The following RALGAPB variants were observed in gnomAD, a reference collection of about 807,000 sequenced individuals.
RALGAPB encodes ral GTPase-activating protein subunit beta.
Under a neutral mutation model 161.1 loss-of-function variants are expected in RALGAPB, and 25 were observed. That is an observed-to-expected ratio of 0.16 (90% CI 0.11 to 0.22). The LOEUF (loss-of-function observed/expected upper bound fraction) is 0.22. RALGAPB is among the 10% of genes least tolerant of loss of function. The pLI, the probability that RALGAPB is intolerant of heterozygous loss-of-function variation, is 1.00. For synonymous variants in RALGAPB, 629 were observed against 626.1 expected, an observed-to-expected ratio of 1.00 and a Z score of -0.07; for missense variants, 1,391 against 1,815.2, an observed-to-expected ratio of 0.77 and a Z score of 4.25.
rs776385700 is a variant in RALGAPB, at chr20:38,493,146, G to T, written c.389+14G>T. The T allele has an allele frequency of 3.8e-6, 6 of 1,565,074 alleles. No homozygotes were observed. The highest frequency in any genetic ancestry group is 3.5e-6 in the Non-Finnish European group (4 of 1,139,590). ...TTTTGTACCAAGGTAAGCTATACCTGTCTATCTGGCCCATTATCAGGGTCA... is the reference window on the plus strand; with the variant it reads ...TTTTGTACCAAGGTAAGCTATACCTTTCTATCTGGCCCATTATCAGGGTCA... On this transcript the variant is annotated intron_variant, in intron 3 of 29. Transcript: ENST00000262879.
chr20:38,484,892 T>TC (rs1176736197), intron 1 of RALGAPB, among the ~76,000 whole-genome samples: 2 of 152,080 alleles, frequency 1.3e-5, no homozygotes, highest in Admixed American at 6.6e-5. Flanking sequence ...TTGGGGTTTT[T>TC]CCATGTTGGT....
intron 3 of RALGAPB, 109 bp from the exon 4 acceptor site, chr20:38,497,244 T>G: frequency 1.0e-6 from 1 of 968,360 alleles, no homozygotes; most frequent in Non-Finnish European, 1.6e-6. Flanking sequence ...GCTGATAATA[T>G]TAGGGAGCTT....
At position 38,541,103 on chromosome 20, in the gene RALGAPB, C is replaced by A; in HGVS notation, c.2625C>A (p.Asn875Lys). 1 of 1,614,022 alleles carries A rather than the reference C, an allele frequency of 6.2e-7. No homozygotes were observed. The highest frequency in any genetic ancestry group is 8.5e-7 in the Non-Finnish European group (1 of 1,179,984). Residue 875 changes from asparagine to lysine, a missense_variant, in exon 18 of 30, where the codon AAC becomes AAA. Transcript: ENST00000262879. Reference sequence around the variant, plus strand: ...GTATCTCAGGAAGTAAGTCCAAGAACAATGAGCAAGAGGTCAAGTACAAAG... The same window carrying A: ...GTATCTCAGGAAGTAAGTCCAAGAAAAATGAGCAAGAGGTCAAGTACAAAG... ...ELGISGSKSK[N>K]NEQEVKYKGD... is the part of the protein sequence containing the mutation.
intron 1 of RALGAPB, among the ~76,000 whole-genome samples, chr20:38,475,540 A>T (rs1437315505): frequency 1.3e-5 from 2 of 151,530 alleles, no homozygotes; most frequent in African/African-American, 2.4e-5. Context: ...GACAATAAAG[A>T]TTTTTTTTTG....
chr20:38,543,334 A>AGTGAC (rs945494500), intron 18 of RALGAPB, among the ~76,000 whole-genome samples: 1 of 152,206 alleles, frequency 6.6e-6, no homozygotes, highest in Admixed American at 6.5e-5. Context: ...TACATGAGCC[A>AGTGAC]GTGACTGAGT....
intron 5 of RALGAPB, among the ~76,000 whole-genome samples, chr20:38,508,112 T>C (rs2085820733): frequency 6.6e-6 from 1 of 151,102 alleles, no homozygotes; most frequent in Non-Finnish European, 1.5e-5. Flanking sequence ...TGTATGATTA[T>C]ATAATTATAT....
intron 5 of RALGAPB, among the ~76,000 whole-genome samples, chr20:38,506,003 T>C (rs1010317862): frequency 1.1e-4 from 17 of 152,148 alleles, no homozygotes; most frequent in Admixed American, 4.6e-4. Context: ...ATCAAAAATA[T>C]TTGGCAAAAA....
intron 13 of RALGAPB, among the ~76,000 whole-genome samples, chr20:38,530,136 G>C (rs2086608897): frequency 6.6e-6 from 1 of 152,144 alleles, no homozygotes; most frequent in African/African-American, 2.4e-5. Context: ...ACCATGGTAT[G>C]CAATTTACTG....
At chr20:38,503,836 A>G (rs2085668266) in intron 5 of RALGAPB, among the ~76,000 whole-genome samples, 1 of 152,198 alleles carries the variant, frequency 6.6e-6, no homozygotes, top group Admixed American at 6.5e-5. Context: ...AAAAACTGCC[A>G]CAGCCACCCC....
intron 5 of RALGAPB, 100 bp from the exon 6 acceptor site, chr20:38,508,977 G>A (rs1049927599): frequency 1.1e-5 from 14 of 1,295,716 alleles, no homozygotes; most frequent in Non-Finnish European, 1.5e-5. Flanking sequence ...CGTATGTGAG[G>A]TACACATGTT....
At chr20:38,535,312 C>T in intron 16 of RALGAPB, 105 bp downstream of exon 16, 1 of 1,322,968 alleles carries the variant, frequency 7.6e-7, no homozygotes, top group Non-Finnish European at 1.0e-6. Context: ...TGATCATGCT[C>T]AAACATAGTT....
At chr20:38,568,504 T>TA (rs754149546) in intron 26 of RALGAPB, 8 of 152,230 alleles carry the variant, frequency 5.3e-5, no homozygotes, top group Non-Finnish European at 7.3e-5. Flanking sequence ...TCTCACCACT[T>TA]ACGTTCAACA....
At chr20:38,568,157 G>T (rs577958927) in intron 26 of RALGAPB, among the ~76,000 whole-genome samples, 1 of 152,112 alleles carries the variant, frequency 6.6e-6, no homozygotes, top group African/African-American at 2.4e-5. Flanking sequence ...TTTTCTGAAT[G>T]CCAGCATAGT....
intron 11 of RALGAPB, 145 bp downstream of exon 11, chr20:38,525,090 C>A: frequency 1.2e-6 from 1 of 818,838 alleles, no homozygotes; most frequent in Non-Finnish European, 2.0e-6. Flanking sequence ...TGTAGTGTGT[C>A]CAAACCCACC....
chr20:38,480,968 C>T (rs775167580), intron 1 of RALGAPB, among the ~76,000 whole-genome samples: 16 of 151,804 alleles, frequency 1.1e-4, no homozygotes, highest in Non-Finnish European at 1.6e-4. Context: ...GATCTCCTGA[C>T]CTCGTGATCT....
At chr20:38,531,616 AC>A (rs1451798728) in intron 14 of RALGAPB, among the ~76,000 whole-genome samples, 1 of 152,158 alleles carries the variant, frequency 6.6e-6, no homozygotes, top group Non-Finnish European at 1.5e-5. Flanking sequence ...ACCCCTCTAG[AC>A]CTAAGTTTGC....
intron 4 of RALGAPB, among the ~76,000 whole-genome samples, chr20:38,498,976 A>C (rs2085504354): frequency 6.6e-6 from 1 of 152,192 alleles, no homozygotes; most frequent in African/African-American, 2.4e-5. Context: ...AAGTTACTTA[A>C]ACTTTCTGAA....
At position 38,493,032 on chromosome 20, in the gene RALGAPB, T is replaced by G. The variant is rs753921822; in HGVS notation, c.289T>G (p.Leu97Val). Residue 97 changes from leucine (L) to valine (V), a missense_variant, in exon 3 of 30, where the codon TTA becomes GTA. Transcript: ENST00000262879. Reference protein sequence around the residue: ...VDVYTDWIMALVLPKDSIPLP... With the variant: ...VDVYTDWIMAVVLPKDSIPLP... ...TGTATATACAGACTGGATTATGGCTTTAGTGTTGCCAAAAGATTCTATTCC... is the reference window on the plus strand; with the variant it reads ...TGTATATACAGACTGGATTATGGCTGTAGTGTTGCCAAAAGATTCTATTCC... 1.7e-5 allele frequency: 27 copies of G among 1,611,530 alleles called. No individual in the cohort carries two copies. Among genetic ancestry groups the G allele is most frequent in the Non-Finnish European group, 2.3e-5 (27 of 1,177,794 alleles).
chr20:38,554,118 T>A, intron 22 of RALGAPB, 42 bp downstream of exon 22: 1 of 1,482,060 alleles, frequency 6.7e-7, no homozygotes, highest in Non-Finnish European at 9.4e-7. Flanking sequence ...ATTCACAAGT[T>A]AACATTCAGC....
Sources: allele counts gnomAD v4.1 joint callset (sites outside exome capture counted in the v4.1 genomes callset), GRCh38; gene constraint gnomAD v4.1.1; transcripts MANE v1.5; gene names NCBI Gene and HGNC (gene_info 2026-07-23, HGNC 2026-07-21).